PABIR3: variants seen among roughly 807,000 people sequenced by gnomAD.
PABIR3 encodes PABIR family member 1.
Under a neutral mutation model 23.1 loss-of-function variants are expected in PABIR3, and 20 were observed. The ratio of observed to expected loss-of-function variants is 0.86; its 90% CI spans 0.61 to 1.26. The LOEUF (loss-of-function observed/expected upper bound fraction) is 1.26, where lower values mean the gene tolerates loss of function less well. Ranked by LOEUF, PABIR3 falls within the 50% of genes most tolerant of loss-of-function variation. The pLI is 0.00. For synonymous variants in PABIR3, 69 were observed against 68.5 expected (o/e 1.01, Z -0.04); for missense variants, 189 against 195.4 (o/e 0.97, Z 0.20).
At chrX:134,818,449 G>A (rs1169576086) in intron 3 of PABIR3, among the ~76,000 whole-genome samples, 1 of 111,810 alleles carries the variant, frequency 8.9e-6, no homozygotes, top group Non-Finnish European at 1.9e-5. Flanking sequence ...CTTCAGAAGA[G>A]AGTAGTACCA....
the PABIR3 span, among the ~76,000 whole-genome samples, chrX:134,862,506 G>T: frequency 9.0e-6 from 1 of 111,565 alleles, no homozygotes; most frequent in Non-Finnish European, 1.9e-5. Context: ...ATATATAACA[G>T]AAAAAAATTC....
chrX:134,852,642 G>C (rs1010186976), intron 9 of PABIR3, among the ~76,000 whole-genome samples, 158 bp from the exon 10 acceptor site: 19 of 110,942 alleles, frequency 1.7e-4, no homozygotes, highest in Non-Finnish European at 2.8e-4. Context: ...AATTACTAAA[G>C]AATGGTTATG....
chrX:134,861,220 A>G, the PABIR3 span, among the ~76,000 whole-genome samples: 1 of 109,651 alleles, frequency 9.1e-6, no homozygotes, highest in Non-Finnish European at 1.9e-5. Context: ...GGTTGCAGTG[A>G]GCCGAGATGG....
At chrX:134,858,045 A>T (rs186247400), downstream of PABIR3, among the ~76,000 whole-genome samples, 57 of 111,727 alleles carry the variant, frequency 5.1e-4, 1 homozygote, top group Admixed American at 5.1e-3. Flanking sequence ...AGATACACAT[A>T]AGAAAAGACA....
At chrX:134,851,410 C>T (rs2082630056) in intron 9 of PABIR3, among the ~76,000 whole-genome samples, 1 of 109,628 alleles carries the variant, frequency 9.1e-6, no homozygotes, top group Admixed American at 9.9e-5. Flanking sequence ...GTGGTGTGTG[C>T]CTGTAATCCC....
intron 2 of PABIR3, among the ~76,000 whole-genome samples, chrX:134,814,352 AC>A (rs2080846613): frequency 2.7e-5 from 3 of 111,562 alleles, no homozygotes; most frequent in African/African-American, 9.8e-5. Flanking sequence ...TTTAATTTCT[AC>A]CTTTGCACAG....
chrX:134,810,662 T>C (rs963349976), intron 2 of PABIR3: 8 of 752,894 alleles, frequency 1.1e-5, no homozygotes, highest in Non-Finnish European at 1.3e-5. Flanking sequence ...TCACCTCAGT[T>C]CTCATTTGCA....
chrX:134,798,130 A>AT (rs200950105), intron 1 of PABIR3, among the ~76,000 whole-genome samples: 1,307 of 111,829 alleles, frequency 0.012, 20 homozygotes, highest in African/African-American at 0.04. Context: ...CAAGATTTGG[A>AT]TTTTTTATTT....
chrX:134,856,007 C>G (rs2082747959), downstream of PABIR3, among the ~76,000 whole-genome samples: 1 of 111,139 alleles, frequency 9.0e-6, no homozygotes, highest in Non-Finnish European at 1.9e-5. Context: ...ACTATTGACA[C>G]CTTAGCCAAA....
In PABIR3 at chrX:134,852,868, A is replaced by G; in HGVS notation, c.658A>G (p.Thr220Ala). ...QGTTNMLSSD[T>A]SQLSENNVYL... ...CACAACCAACATGCTTTCTTCTGAT[A>G]CTTCCCAACTGTCAGAAAATAATGT... Residue 220 changes from threonine (T) to alanine (A), a missense_variant, in exon 10 of 11, where the codon ACT becomes GCT. Transcript: ENST00000645433. 1.8e-6 allele frequency: 2 copies of G among 1,135,295 alleles called. No individual in the cohort carries two copies. The highest frequency in any genetic ancestry group is 2.3e-6 in the Non-Finnish European group (2 of 863,243). The allele number at this position is 1,135,295 out of a possible 1,213,427, so 93.6% of individuals were successfully genotyped here.
intron 3 of PABIR3, among the ~76,000 whole-genome samples, chrX:134,817,819 G>A (rs181483683): frequency 5.1e-4 from 57 of 110,757 alleles, no homozygotes; most frequent in Non-Finnish European, 7.9e-4. Flanking sequence ...GAAGAGTTTT[G>A]AGCCAATGAT....
intron 4 of PABIR3, among the ~76,000 whole-genome samples, chrX:134,830,026 T>G (rs2081697544): frequency 8.9e-6 from 1 of 111,812 alleles, no homozygotes; most frequent in South Asian, 3.7e-4. Context: ...TGTGGTCTCA[T>G]TTTATCTTAC....
chrX:134,857,081 T>A (rs903912547), downstream of PABIR3, among the ~76,000 whole-genome samples: 4 of 112,071 alleles, frequency 3.6e-5, no homozygotes, highest in African/African-American at 1.3e-4. Context: ...ATCATATCAG[T>A]TTTCTATAGT....
intron 9 of PABIR3, among the ~76,000 whole-genome samples, chrX:134,849,594 A>G (rs1304627817): frequency 9.0e-6 from 1 of 111,440 alleles, no homozygotes; most frequent in Non-Finnish European, 1.9e-5. Flanking sequence ...CCCCTGCCTC[A>G]CTGCCACACA....
chrX:134,841,483 A>G (rs1236469372), intron 4 of PABIR3, among the ~76,000 whole-genome samples: 2 of 111,948 alleles, frequency 1.8e-5, no homozygotes, highest in Non-Finnish European at 3.8e-5. Context: ...GAATATATAT[A>G]AAGTAGAAAT....
downstream of PABIR3, among the ~76,000 whole-genome samples, chrX:134,855,940 T>C (rs760449581): frequency 1.8e-5 from 2 of 111,477 alleles, no homozygotes; most frequent in East Asian, 5.7e-4. Context: ...TGAGGTGTGG[T>C]TGCAGTGATG....
At position 134,809,416 on chromosome X, in the gene PABIR3, T is replaced by C. The variant is rs188792244; in HGVS notation, c.110+1708T>C. 7.6e-3 allele frequency: 4,150 copies of C among 547,530 alleles called. 133 individuals are homozygous for C. The African/African-American group carries it at 0.091, about 12-fold the overall frequency. 45.1% of individuals were successfully genotyped at this position (547,530 alleles called of 1,213,427 possible). ...TCCTGACCTTGTGATCCGCCCACCT[T>C]GGCCTCCCAAAGTGTTGGGATTACA... is the stretch of plus-strand genomic sequence containing the variant. On this transcript the variant is annotated intron_variant, in intron 2 of 10. Transcript: ENST00000645433.
chrX:134,808,788 A>G lies in PABIR3; in HGVS notation c.110+1080A>G, dbSNP rs181869496. ...TGCCTCAGCCTCCCAAAGTGCTGGT[A>G]TTACAGACGTGAGCCACTGCTCCTG... On this transcript the variant is annotated intron_variant, in intron 2 of 10. Coordinates refer to ENST00000645433, the MANE Select transcript of PABIR3 (RefSeq NM_001388447.1). Among the ~76,000 whole-genome samples, 674 of 112,353 alleles carry G rather than the reference A, an allele frequency of 6.0e-3. 11 individuals are homozygous for G. The highest frequency in any genetic ancestry group is 0.021 in the African/African-American group (637 of 30,958).
At position 134,847,478 on chromosome X, in the gene PABIR3, A is replaced by G. The variant is rs199713226; in HGVS notation, c.438+3A>G. 4.9e-3 allele frequency: 5,680 copies of G among 1,154,781 alleles called. 11 individuals carry two copies. Among genetic ancestry groups the G allele is most frequent in the Non-Finnish European group, 6.2e-3 (5,258 of 846,402 alleles). On this transcript the variant is annotated splice_donor_region_variant and intron_variant, in intron 7 of 10. Coordinates refer to ENST00000645433, the MANE Select transcript of PABIR3 (RefSeq NM_001388447.1). The stretch of plus-strand genomic sequence containing the variant: ...CTTCCATCAAGAAGACTGGGAAGGT[A>G]AGAAAGGAGTACCTAAAAGTCTATG...
Sources: allele counts gnomAD v4.1 joint callset (sites outside exome capture counted in the v4.1 genomes callset), GRCh38; gene constraint gnomAD v4.1.1; transcripts MANE v1.5; gene names NCBI Gene and HGNC (gene_info 2026-07-23, HGNC 2026-07-21).